The following PREX1 variants were observed in gnomAD, a reference collection of about 807,000 sequenced individuals.
PREX1 encodes the protein phosphatidylinositol 3,4,5-trisphosphate-dependent Rac exchanger 1 protein.
A neutral mutation model predicts 198.3 loss-of-function variants in PREX1; 41 were observed. The observed-to-expected ratio is 0.21, with a 90% CI of 0.16 to 0.27. PREX1 has a LOEUF of 0.27. PREX1 is among the 10% of genes least tolerant of loss of function. The pLI is 1.00. For missense variants in PREX1, 1,620 were observed against 2,200.7 expected, an observed-to-expected ratio of 0.74 and a Z score of 5.28; for synonymous variants, 843 against 887.2, an observed-to-expected ratio of 0.95 and a Z score of 0.89.
At chr20:48,672,605 T>C (rs1781599435) in intron 14 of PREX1, among the ~76,000 whole-genome samples, 1 of 152,188 alleles carries the variant, frequency 6.6e-6, no homozygotes, top group Non-Finnish European at 1.5e-5. Flanking sequence ...CTCTCCCCTC[T>C]CACTCCATTC....
intron 11 of PREX1, among the ~76,000 whole-genome samples, chr20:48,680,904 T>C (rs1040941846): frequency 2.1e-4 from 32 of 152,240 alleles, no homozygotes; most frequent in African/African-American, 6.8e-4. Flanking sequence ...CTCCCGTTCA[T>C]TGTGGTGTGA....
Position 48,794,678 on chromosome 20 carries a change from C to T in PREX1, c.219+32964G>A, listed in dbSNP as rs1568866712. ...GCACCCAGCCAGGTTGCCATGGCCA[C>T]GGAGACAAAGAGAGGGGCTGAGGAG... On this transcript the variant is annotated intron_variant, in intron 1 of 39. Transcript: ENST00000371941. Among the ~76,000 whole-genome samples, 3 of 152,126 alleles carry T rather than the reference C, an allele frequency of 2.0e-5. 1 individual carries two copies. In the South Asian group the frequency reaches 6.2e-4, roughly 32 times the overall value.
At chr20:48,643,904 T>A (rs1027777981) in intron 27 of PREX1, among the ~76,000 whole-genome samples, 1 of 152,214 alleles carries the variant, frequency 6.6e-6, no homozygotes, top group Admixed American at 6.5e-5. Flanking sequence ...CTCAAACTCC[T>A]GACCTAAAGT....
intron 16 of PREX1, among the ~76,000 whole-genome samples, chr20:48,658,849 T>C (rs767549077): frequency 3.3e-5 from 5 of 151,688 alleles, no homozygotes; most frequent in Non-Finnish European, 7.4e-5. Context: ...CAAAACTTCA[T>C]AAAGAGTGGA....
intron 1 of PREX1, among the ~76,000 whole-genome samples, chr20:48,767,068 C>G (rs1227753654): frequency 6.6e-6 from 1 of 152,220 alleles, no homozygotes; most frequent in Non-Finnish European, 1.5e-5. Context: ...CTGCCACAGA[C>G]TCGCTGTGGG....
chr20:48,679,768 A>G lies in PREX1; in HGVS notation c.1436-14T>C, dbSNP rs372922077. ...GCTTGTCGGAAACTGGAGAGACAGG[A>G]GGACCTGTGACGCTGGGCACGCCCC... On this transcript the variant is annotated splice_polypyrimidine_tract_variant and intron_variant, in intron 11 of 39. Transcript: ENST00000371941. 37 of 1,594,048 alleles carry G rather than the reference A, an allele frequency of 2.3e-5. No individual in the cohort carries two copies. The highest frequency in any genetic ancestry group is 3.0e-5 in the Non-Finnish European group (35 of 1,161,898).
At chr20:48,724,718 C>G (rs922125420) in intron 5 of PREX1, among the ~76,000 whole-genome samples, 2 of 152,384 alleles carry the variant, frequency 1.3e-5, no homozygotes. Context: ...TTTTGCCCAC[C>G]CTGTCTCTAA....
chr20:48,866,044 G>C, the PREX1 span, among the ~76,000 whole-genome samples: 1 of 151,542 alleles, frequency 6.6e-6, no homozygotes, highest in Admixed American at 6.6e-5. Flanking sequence ...AACTTCCTCG[G>C]CTCAAGCAAT....
the PREX1 span, among the ~76,000 whole-genome samples, chr20:48,886,698 G>A: frequency 2.6e-5 from 4 of 152,262 alleles, no homozygotes; most frequent in Non-Finnish European, 5.9e-5. Flanking sequence ...TTAAGCTTGT[G>A]TCTGCACTCT....
At chr20:48,774,745 C>G (rs146015915) in intron 1 of PREX1, among the ~76,000 whole-genome samples, 5 of 152,216 alleles carry the variant, frequency 3.3e-5, no homozygotes, top group Non-Finnish European at 7.3e-5. Flanking sequence ...TGGACCCGCA[C>G]GGCTGAAACC....
rs367977079 is a variant in PREX1, at chr20:48,691,188, C to A, written c.1037-92G>T. The A allele has an allele frequency of 1.5e-5, 23 of 1,523,822 alleles. No individual in the cohort carries two copies. The South Asian group carries it at 2.7e-4, about 18-fold the overall frequency. The allele number at this position is 1,523,822 out of a possible 1,614,324, so 94.4% of individuals were successfully genotyped here. ...CCAAGCCCTTCCGCCCCAGCACAGG[C>A]AGGGCCCTCGCCTGGATCAGGATGG... On this transcript the variant is annotated intron_variant, in intron 8 of 39. Coordinates refer to ENST00000371941, the MANE Select transcript of PREX1 (RefSeq NM_020820.4). This position sits in a 1 kb window ranked among gnomAD's most constrained non-coding sequence, Gnocchi z 5.0.
intron 32 of PREX1, 56 bp downstream of exon 32, chr20:48,636,407 T>A: frequency 3.3e-6 from 5 of 1,520,840 alleles, no homozygotes; most frequent in Non-Finnish European, 4.4e-6. Context: ...CGACCCGGCC[T>A]GGGCGGGCAC....
chr20:48,736,589 G>A (rs2090058030), intron 3 of PREX1, among the ~76,000 whole-genome samples: 1 of 152,162 alleles, frequency 6.6e-6, no homozygotes, highest in African/African-American at 2.4e-5. Flanking sequence ...GGACCATCAA[G>A]GCCAAAAGAG....
chr20:48,709,795 G>C (rs113399678), intron 5 of PREX1, among the ~76,000 whole-genome samples: 2 of 152,162 alleles, frequency 1.3e-5, no homozygotes, highest in South Asian at 4.1e-4. Context: ...ATGACAACAC[G>C]CTAGCTGTAA....
chr20:48,751,415 G>GC (rs1294291944), intron 1 of PREX1, among the ~76,000 whole-genome samples: 1 of 152,206 alleles, frequency 6.6e-6, no homozygotes, highest in African/African-American at 2.4e-5. Context: ...CTCTGCCACC[G>GC]CTATTGTGCT....
At chr20:48,769,253 CAA>C (rs35278987) in intron 1 of PREX1, among the ~76,000 whole-genome samples, 40,254 of 151,976 alleles carry the variant, frequency 0.26, 6,264 homozygotes, top group Admixed American at 0.34. Context: ...GGTTCTGAAG[CAA>C]AGAGGCTGGG....
At chr20:48,841,975 C>G in the PREX1 span, among the ~76,000 whole-genome samples, 60 of 152,164 alleles carry the variant, frequency 3.9e-4, no homozygotes, top group African/African-American at 1.3e-3. Context: ...TTTTATTTGT[C>G]CCAGCAGAAA....
At chr20:48,848,049 C>T in the PREX1 span, among the ~76,000 whole-genome samples, 1 of 152,100 alleles carries the variant, frequency 6.6e-6, no homozygotes, top group Non-Finnish European at 1.5e-5. Flanking sequence ...ATGAAAGAGC[C>T]ACTTATAAAT....
rs1568802418 is a variant in PREX1 at position 48,650,212 on chromosome 20, A to C, written c.2818-6T>G. 4 of 1,606,844 alleles carry C rather than the reference A, an allele frequency of 2.5e-6. No homozygotes were observed. Among genetic ancestry groups the C allele is most frequent in the Non-Finnish European group, 2.6e-6 (3 of 1,174,514 alleles). On this transcript the variant is annotated splice_polypyrimidine_tract_variant and splice_region_variant and intron_variant, in intron 23 of 39. Transcript: ENST00000371941. ...CTCTTCAGTTGGGCTGCAAACTGAG[A>C]AAGTGGAGGCCGTAAGGTCGTGAAT... is the stretch of plus-strand genomic sequence containing the variant.
Sources: gnomAD v4.1 joint callset for allele counts (sites outside exome capture counted in the v4.1 genomes callset) on GRCh38, gnomAD v4.1.1 for gene constraint, Gnocchi (gnomAD v3.1) non-coding constraint, MANE v1.5 for transcripts, NCBI Gene and HGNC (gene_info 2026-07-23, HGNC 2026-07-21) for gene names.